Variants in PRKCB observed in about 807,000 individuals in gnomAD.
PRKCB encodes protein kinase C beta.
In PRKCB, 13 loss-of-function variants were observed where a neutral mutation model predicts 81.5. The ratio of observed to expected loss-of-function variants is 0.16; its 90% confidence interval spans 0.10 to 0.25. The LOEUF (loss-of-function observed/expected upper bound fraction) is 0.25. Among genes scored for constraint, PRKCB ranks in the 10% least tolerant of loss-of-function variants. The pLI is 1.00. For missense variants in PRKCB, 509 were observed against 875.7 expected (o/e 0.58, Z 5.29); for synonymous variants, 335 against 321.4 (o/e 1.04, Z -0.45).
chr16:24,112,927 CCGAGT>C lies in PRKCB; in HGVS notation c.822-39_822-35del, dbSNP rs747698479. The C allele has an allele frequency of 3.1e-6, 4 of 1,301,560 alleles. No individual in the cohort carries two copies. The South Asian group carries it at 5.1e-5, about 16-fold the overall frequency. The allele number at this position is 1,301,560 out of a possible 1,614,324, so 80.6% of individuals were successfully genotyped here. Reference sequence around the variant, plus strand: ...TCATATGCTGATCAATAAAATAATACCGAGTCGAGTCATGAAATGTGTCCCACCCC... The same window carrying C: ...TCATATGCTGATCAATAAAATAATACCGAGTCATGAAATGTGTCCCACCCC... On this transcript the variant is annotated intron_variant, in intron 7 of 16. Coordinates refer to ENST00000643927, the MANE Select transcript of PRKCB (RefSeq NM_002738.7).
chr16:23,937,786 C>T (rs1156868400), intron 2 of PRKCB, among the ~76,000 whole-genome samples: 1 of 152,196 alleles, frequency 6.6e-6, no homozygotes. Context: ...AGGCCTCTTA[C>T]GATGGCTAAT....
At chr16:24,029,842 A>G (rs1369066107) in intron 3 of PRKCB, among the ~76,000 whole-genome samples, 1 of 152,232 alleles carries the variant, frequency 6.6e-6, no homozygotes, top group Admixed American at 6.5e-5. Flanking sequence ...CTAGGGTGTC[A>G]GATCAGCCCT....
At chr16:24,198,522 T>C (rs1567410131) in intron 16 of PRKCB, among the ~76,000 whole-genome samples, 1 of 152,106 alleles carries the variant, frequency 6.6e-6, no homozygotes, top group Non-Finnish European at 1.5e-5. Flanking sequence ...TTATTTGTTT[T>C]TTCATTGTTT....
intron 1 of PRKCB, 113 bp downstream of exon 1, chr16:23,836,461 C>A (rs1962160078): frequency 1.6e-5 from 23 of 1,421,898 alleles, no homozygotes; most frequent in African/African-American, 4.5e-5. Context: ...TGGGACCCCG[C>A]GTCTCCGGAC....
intron 16 of PRKCB, among the ~76,000 whole-genome samples, chr16:24,211,169 C>T (rs1481392764): frequency 6.6e-6 from 1 of 152,166 alleles, no homozygotes; most frequent in Non-Finnish European, 1.5e-5. Context: ...ATAACAAAAA[C>T]AGCAGAAACA....
In PRKCB at chr16:23,899,763, G is replaced by A. The variant is rs1963439996; in HGVS notation, c.205+62357G>A. On this transcript the variant is annotated intron_variant, in intron 2 of 16. Transcript: ENST00000643927. ...TGCGATCCTCCCACCTCAGCCTTCT[G>A]AGGAGCTGGGACCGTAGGCACGTGC... Among the ~76,000 whole-genome samples, 2 of 65,574 alleles carry A rather than the reference G, an allele frequency of 3.0e-5. 1 individual carries two copies. The highest frequency in any genetic ancestry group is 7.8e-4 in the South Asian group (2 of 2,566). 43.0% of individuals were successfully genotyped at this position (65,574 alleles called of 152,430 possible).
intron 9 of PRKCB, among the ~76,000 whole-genome samples, chr16:24,126,457 A>G (rs1966844411): frequency 6.6e-6 from 1 of 152,124 alleles, no homozygotes; most frequent in Non-Finnish European, 1.5e-5. Context: ...GTGGTGCATT[A>G]CGGTTCACTG....
intron 5 of PRKCB, among the ~76,000 whole-genome samples, chr16:24,043,048 G>A (rs893039666): frequency 6.6e-6 from 1 of 152,128 alleles, no homozygotes; most frequent in African/African-American, 2.4e-5. Context: ...TGTCTTAAGT[G>A]TACAATGGCT....
intron 10 of PRKCB, among the ~76,000 whole-genome samples, chr16:24,171,827 G>A (rs970068057): frequency 5.3e-5 from 8 of 152,096 alleles, no homozygotes; most frequent in African/African-American, 9.7e-5. Context: ...TCCCCCTCCC[G>A]GGTTCAAGTG....
chr16:24,008,960 C>G (rs949199316), intron 3 of PRKCB, among the ~76,000 whole-genome samples: 8 of 152,074 alleles, frequency 5.3e-5, no homozygotes, highest in Non-Finnish European at 7.4e-5. Context: ...ATTTGTTTTC[C>G]TGTGACTAGT....
At chr16:23,962,546 T>A (rs1964440241) in intron 2 of PRKCB, among the ~76,000 whole-genome samples, 1 of 152,200 alleles carries the variant, frequency 6.6e-6, no homozygotes, top group Non-Finnish European at 1.5e-5. Flanking sequence ...CTGAGTTAGA[T>A]GCTCTTTCCC....
chr16:24,106,016 C>T (rs189345284), intron 7 of PRKCB, among the ~76,000 whole-genome samples: 57 of 150,248 alleles, frequency 3.8e-4, no homozygotes, highest in Admixed American at 6.6e-4. Context: ...AAACAGATAA[C>T]TATTATCTTA....
chr16:24,215,209 G>T lies in PRKCB; in HGVS notation c.*393G>T. The T allele has an allele frequency of 9.9e-7, 1 of 1,006,496 alleles. No homozygotes were observed. Among genetic ancestry groups the T allele is most frequent in the Non-Finnish European group, 1.2e-6 (1 of 842,284 alleles). The allele number at this position is 1,006,496 out of a possible 1,614,324, so 62.3% of individuals were successfully genotyped here. On this transcript the variant is annotated 3_prime_UTR_variant, in exon 17 of 17. Coordinates refer to ENST00000643927, the MANE Select transcript of PRKCB (RefSeq NM_002738.7). ...GTTAGCGGTACTCTTCCACTTCCGG[G>T]CCTGGAGCTTGGCTTGTATCCAAGT...
intron 5 of PRKCB, among the ~76,000 whole-genome samples, chr16:24,081,532 A>G (rs1031952347): frequency 3.3e-5 from 5 of 152,214 alleles, no homozygotes; most frequent in Admixed American, 3.3e-4. Flanking sequence ...CCCCAGTCCT[A>G]TTCAACATCA....
intron 2 of PRKCB, among the ~76,000 whole-genome samples, chr16:23,881,565 T>C (rs546096448): frequency 5.9e-5 from 9 of 152,122 alleles, no homozygotes; most frequent in African/African-American, 2.2e-4. Context: ...TTCCCGTTTT[T>C]TAAAAAAATA....
At chr16:23,929,160 G>C (rs1024057273) in intron 2 of PRKCB, among the ~76,000 whole-genome samples, 6 of 152,072 alleles carry the variant, frequency 3.9e-5, no homozygotes, top group African/African-American at 1.2e-4. Flanking sequence ...ATGTTTTCAG[G>C]ACAAATTAGT....
At chr16:23,955,754 C>A (rs1964341250) in intron 2 of PRKCB, among the ~76,000 whole-genome samples, 1 of 152,186 alleles carries the variant, frequency 6.6e-6, no homozygotes, top group Non-Finnish European at 1.5e-5. Flanking sequence ...CTGTCCTGAA[C>A]TGCCCATGAG....
At chr16:23,879,511 TTTTTTTTG>T (rs1963072332) in intron 2 of PRKCB, among the ~76,000 whole-genome samples, 4 of 30,630 alleles carry the variant, frequency 1.3e-4, no homozygotes, top group Non-Finnish European at 1.9e-4. Context: ...TTTTTTTTTT[TTTTTTTTG>T]AGACGGAGCC....
chr16:23,899,124 G>T (rs902177692), intron 2 of PRKCB, among the ~76,000 whole-genome samples: 2 of 152,208 alleles, frequency 1.3e-5, no homozygotes, highest in Admixed American at 6.5e-5. Context: ...TTCTGCAGAA[G>T]TAGAACTCTT....
Sources: allele counts gnomAD v4.1 joint callset (sites outside exome capture counted in the v4.1 genomes callset), GRCh38; gene constraint gnomAD v4.1.1; transcripts MANE v1.5; gene names NCBI Gene and HGNC (gene_info 2026-07-23, HGNC 2026-07-21).